SORCS2: variants seen among roughly 807,000 people sequenced by gnomAD.
SORCS2 encodes the protein sortilin related VPS10 domain containing receptor 2.
A neutral mutation model predicts 141.6 loss-of-function variants in SORCS2; 100 were observed. That is an observed-to-expected ratio of 0.71 (90% CI 0.60 to 0.83). SORCS2 has a LOEUF of 0.83. Among genes scored for constraint, SORCS2 ranks in the 40% least tolerant of loss-of-function variants. The pLI, the probability that SORCS2 is intolerant of heterozygous loss-of-function variation, is 0.00. For missense variants in SORCS2, 1,646 were observed against 1,560.2 expected, an observed-to-expected ratio of 1.05 and a Z score of -0.93; for synonymous variants, 789 against 676.9, an observed-to-expected ratio of 1.17 and a Z score of -2.57.
intron 1 of SORCS2, among the ~76,000 whole-genome samples, chr4:7,262,842 G>T (rs1312409051): frequency 2.0e-5 from 3 of 152,200 alleles, no homozygotes; most frequent in African/African-American, 7.2e-5. Flanking sequence ...TTTAGGCTGT[G>T]TCTGGTGAAG....
At chr4:7,353,598 A>G (rs541600647) in intron 1 of SORCS2, among the ~76,000 whole-genome samples, 2 of 152,248 alleles carry the variant, frequency 1.3e-5, no homozygotes, top group East Asian at 1.9e-4. Flanking sequence ...TGTACCTCCA[A>G]TCTGTTCCCT....
intron 1 of SORCS2, among the ~76,000 whole-genome samples, chr4:7,280,031 C>G (rs1415664463): frequency 6.6e-6 from 1 of 152,156 alleles, no homozygotes; most frequent in East Asian, 1.9e-4. Context: ...ATGGTGTCGG[C>G]TGCAGCTTCT....
At position 7,541,462 on chromosome 4, in the gene SORCS2, G is replaced by A. The variant is rs114219240; in HGVS notation, c.648+9833G>A. 3.4e-3 allele frequency among the ~76,000 whole-genome samples: 520 copies of A among 152,330 alleles called. 1 individual carries two copies. The highest frequency in any genetic ancestry group is 6.2e-3 in the Non-Finnish European group (424 of 68,026). ...AGATCATTCTCTGATGATGGTCTCTGGGCAAGACTGGCCATCAGAGGAGGG... is the reference window on the plus strand; with the variant it reads ...AGATCATTCTCTGATGATGGTCTCTAGGCAAGACTGGCCATCAGAGGAGGG... On this transcript the variant is annotated intron_variant, in intron 3 of 26. Transcript: ENST00000507866.
chr4:7,311,262 C>G (rs577009743), intron 1 of SORCS2, among the ~76,000 whole-genome samples: 2 of 152,166 alleles, frequency 1.3e-5, no homozygotes, highest in Non-Finnish European at 2.9e-5. Flanking sequence ...ATCAATTGTT[C>G]GTTCCCTTTT....
At chr4:7,578,762 C>T (rs907472251) in intron 3 of SORCS2, among the ~76,000 whole-genome samples, 1 of 152,144 alleles carries the variant, frequency 6.6e-6, no homozygotes, top group African/African-American at 2.4e-5. Flanking sequence ...ACTCAGTTTC[C>T]CCATCTGTAA....
At chr4:7,425,479 A>G (rs1216079423) in intron 2 of SORCS2, among the ~76,000 whole-genome samples, 1 of 152,042 alleles carries the variant, frequency 6.6e-6, no homozygotes, top group Non-Finnish European at 1.5e-5. Context: ...GTTCCCCTTC[A>G]TTTTGCAGTT....
At position 7,467,803 on chromosome 4, in the gene SORCS2, C is replaced by T. The variant is rs148747839; in HGVS notation, c.549-63727C>T. 9.6e-4 allele frequency among the ~76,000 whole-genome samples: 147 copies of T among 152,362 alleles called. 1 individual carries two copies. The highest frequency in any genetic ancestry group is 3.2e-3 in the African/African-American group (135 of 41,586). ...CCCTGGCTGCTGTGGCTCCCGGAGC[C>T]GGTCCCCGCACAAGGGTTCCTCTGC... On this transcript the variant is annotated intron_variant, in intron 2 of 26. Coordinates refer to ENST00000507866, the MANE Select transcript of SORCS2 (RefSeq NM_020777.3).
At chr4:7,582,850 C>T (rs868382557) in intron 3 of SORCS2, among the ~76,000 whole-genome samples, 7 of 152,098 alleles carry the variant, frequency 4.6e-5, no homozygotes, top group Admixed American at 1.3e-4. Flanking sequence ...CTGCAAGCAG[C>T]CTGATTGGCC....
intron 1 of SORCS2, among the ~76,000 whole-genome samples, chr4:7,268,759 G>T (rs895062461): frequency 6.6e-6 from 1 of 152,206 alleles, no homozygotes; most frequent in Non-Finnish European, 1.5e-5. Flanking sequence ...CCAGGAGGAG[G>T]TGATGCTGGA....
intron 4 of SORCS2, among the ~76,000 whole-genome samples, chr4:7,643,586 G>A (rs766410257): frequency 2.6e-5 from 4 of 152,166 alleles, no homozygotes; most frequent in Non-Finnish European, 5.9e-5. Context: ...AGGAATGTTC[G>A]AACAGGGGCT....
chr4:7,411,059 G>A lies in SORCS2; in HGVS notation c.548+14704G>A, dbSNP rs553796839. ...CAACCTCTGCCTCCCGGGTTCAAGC[G>A]ATTCTCCTACCTCAGCCTCCCGAGT... is the stretch of plus-strand genomic sequence containing the variant. On this transcript the variant is annotated intron_variant, in intron 2 of 26. Coordinates refer to ENST00000507866, the MANE Select transcript of SORCS2 (RefSeq NM_020777.3). Among the ~76,000 whole-genome samples the A allele has an allele frequency of 9.0e-5, 13 of 144,448 alleles. No individual in the cohort carries two copies. In the South Asian group the frequency reaches 1.4e-3, roughly 16 times the overall value. The allele number at this position is 144,448 out of a possible 152,430, so 94.8% of individuals were successfully genotyped here.
chr4:7,621,407 G>A (rs1043784330), intron 3 of SORCS2, among the ~76,000 whole-genome samples: 6 of 149,918 alleles, frequency 4.0e-5, no homozygotes, highest in Non-Finnish European at 8.9e-5. Flanking sequence ...GTGTGTCTGT[G>A]TGCATGTTTG....
At chr4:7,560,235 T>A (rs970823512) in intron 3 of SORCS2, among the ~76,000 whole-genome samples, 2 of 152,168 alleles carry the variant, frequency 1.3e-5, no homozygotes, top group African/African-American at 2.4e-5. Flanking sequence ...TCTGGCAGAC[T>A]CTCGGGATTT....
intron 1 of SORCS2, among the ~76,000 whole-genome samples, chr4:7,275,758 G>A (rs531101004): frequency 1.3e-5 from 2 of 152,292 alleles, no homozygotes; most frequent in South Asian, 2.1e-4. Context: ...AAGGAATGGA[G>A]GCAGTTCTCC....
intron 1 of SORCS2, among the ~76,000 whole-genome samples, chr4:7,339,966 C>A (rs1720266229): frequency 6.6e-6 from 1 of 152,162 alleles, no homozygotes; most frequent in African/African-American, 2.4e-5. Context: ...ACTTTACAGA[C>A]TAGGACCTTG....
chr4:7,276,427 C>T (rs890484890), intron 1 of SORCS2, among the ~76,000 whole-genome samples: 5 of 152,152 alleles, frequency 3.3e-5, no homozygotes, highest in South Asian at 4.1e-4. Context: ...CTCGCTGGAA[C>T]GGGCTTCATG....
intron 18 of SORCS2, among the ~76,000 whole-genome samples, chr4:7,720,454 G>A (rs920362928): frequency 2.6e-5 from 4 of 152,144 alleles, no homozygotes; most frequent in Non-Finnish European, 5.9e-5. Context: ...GGCTAGGAGA[G>A]GAGTCCTCAG....
rs118068426 is a variant in SORCS2, at chr4:7,541,769, T to C, written c.648+10140T>C. ...GGGTCAGCGCCTCCACACGGAGCCC[T>C]AGTTTCAGCCTTAAACATGCAGCAC... On this transcript the variant is annotated intron_variant, in intron 3 of 26. Transcript: ENST00000507866. Among the ~76,000 whole-genome samples the C allele has an allele frequency of 3.4e-4, 52 of 152,336 alleles. 1 individual carries two copies. In the East Asian group the frequency reaches 8.9e-3, roughly 26 times the overall value.
In SORCS2 at chr4:7,193,155, C is replaced by A; in HGVS notation, c.480+29C>A. The stretch of plus-strand genomic sequence containing the variant: ...AGTGACCTCCACGCGCTCGCCGCGG[C>A]CCCTACCCGGGACACCGCGGGACAC... On this transcript the variant is annotated intron_variant, in intron 1 of 26. Transcript: ENST00000507866. The surrounding 1 kb of genome is among the most constrained non-coding windows in gnomAD (Gnocchi z 4.8). The A allele has an allele frequency of 6.7e-7, 1 of 1,484,272 alleles. No individual in the cohort carries two copies. 91.9% of individuals were successfully genotyped at this position (1,484,272 alleles called of 1,614,324 possible). A position where few individuals can be genotyped will look rare whatever the true frequency, so the allele number is the denominator to read the frequency against.
Sources: allele counts gnomAD v4.1 joint callset (sites outside exome capture counted in the v4.1 genomes callset), GRCh38; gene constraint gnomAD v4.1.1; non-coding constraint Gnocchi (gnomAD v3.1); transcripts MANE v1.5; gene names NCBI Gene and HGNC (gene_info 2026-07-23, HGNC 2026-07-21).